CSMD1: variants seen among roughly 807,000 people sequenced by gnomAD.
CSMD1 encodes the protein CUB and Sushi multiple domains 1.
CSMD1 carries 213 observed loss-of-function variants against 417.5 expected under a neutral mutation model. The ratio of observed to expected loss-of-function variants is 0.51; its 90% confidence interval spans 0.46 to 0.57. The LOEUF is 0.57. Among genes scored for constraint, CSMD1 ranks in the 20% least tolerant of loss-of-function variants. The pLI, the probability that CSMD1 is intolerant of heterozygous loss-of-function variation, is 0.00. For synonymous variants in CSMD1, 2,862 were observed against 1,736.8 expected (o/e 1.65, Z -16.11); for missense variants, 6,923 against 4,529.7 (o/e 1.53, Z -15.17).
At chr8:3,890,441 G>A (rs909362950) in intron 5 of CSMD1, among the ~76,000 whole-genome samples, 1 of 151,858 alleles carries the variant, frequency 6.6e-6, no homozygotes, top group Non-Finnish European at 1.5e-5. Flanking sequence ...GCAGTGTCTT[G>A]GAGGAGACTG....
intron 1 of CSMD1, among the ~76,000 whole-genome samples, chr8:4,804,319 T>G (rs1056698070): frequency 1.3e-5 from 2 of 152,140 alleles, no homozygotes; most frequent in Admixed American, 1.3e-4. Context: ...ATTGAAAAAC[T>G]CATGCTATGG....
At chr8:4,478,924 T>C (rs1281925241) in intron 2 of CSMD1, among the ~76,000 whole-genome samples, 1 of 152,190 alleles carries the variant, frequency 6.6e-6, no homozygotes, top group African/African-American at 2.4e-5. Flanking sequence ...GCAATTGTAC[T>C]TGACTGACCT....
At chr8:3,325,363 TG>T (rs1806457440) in intron 23 of CSMD1, among the ~76,000 whole-genome samples, 1 of 152,252 alleles carries the variant, frequency 6.6e-6, no homozygotes, top group African/African-American at 2.4e-5. Flanking sequence ...TAGCATTTGA[TG>T]ATACCATCTG....
intron 2 of CSMD1, among the ~76,000 whole-genome samples, chr8:4,612,092 G>C (rs1209340644): frequency 1.3e-5 from 2 of 152,146 alleles, no homozygotes; most frequent in Admixed American, 1.3e-4. Context: ...GCTGGGAAGA[G>C]GAGGCACAGA....
chr8:3,553,742 T>G (rs1799019574), intron 10 of CSMD1, among the ~76,000 whole-genome samples: 1 of 152,230 alleles, frequency 6.6e-6, no homozygotes, highest in South Asian at 2.1e-4. Context: ...GAAGTAGACA[T>G]ATAAATTAAT....
chr8:3,067,588 T>C (rs1295800671), intron 49 of CSMD1, among the ~76,000 whole-genome samples: 1 of 150,466 alleles, frequency 6.6e-6, no homozygotes, highest in Non-Finnish European at 1.5e-5. Context: ...CTTCTCACCA[T>C]ATTAATGTAT....
chr8:3,719,907 G>C (rs750105228), intron 6 of CSMD1, among the ~76,000 whole-genome samples: 1 of 152,112 alleles, frequency 6.6e-6, no homozygotes, highest in Non-Finnish European at 1.5e-5. Flanking sequence ...CACCTTGCCA[G>C]GTTAAAAATG....
chr8:4,556,206 G>A (rs571529637), intron 2 of CSMD1, among the ~76,000 whole-genome samples: 1 of 152,094 alleles, frequency 6.6e-6, no homozygotes, highest in Non-Finnish European at 1.5e-5. Flanking sequence ...TTATTATGGG[G>A]ATACTTTATA....
At chr8:4,006,644 A>T (rs559067229) in intron 4 of CSMD1, among the ~76,000 whole-genome samples, 51 of 152,258 alleles carry the variant, frequency 3.3e-4, no homozygotes, top group Middle Eastern at 3.4e-3. Context: ...CAAGAGAGGG[A>T]ACAGCACTTG....
chr8:4,228,318 T>G (rs960979163), intron 3 of CSMD1, among the ~76,000 whole-genome samples: 1 of 152,176 alleles, frequency 6.6e-6, no homozygotes, highest in Non-Finnish European at 1.5e-5. Context: ...AAATAGGTGT[T>G]TTATTCTCTG....
intron 2 of CSMD1, among the ~76,000 whole-genome samples, chr8:4,615,290 C>T (rs1284082320): frequency 6.6e-6 from 1 of 152,198 alleles, no homozygotes; most frequent in African/African-American, 2.4e-5. Flanking sequence ...ATAATCTCTT[C>T]ACATTGGGTT....
intron 18 of CSMD1, among the ~76,000 whole-genome samples, chr8:3,371,079 G>C (rs894962686): frequency 6.6e-6 from 1 of 152,134 alleles, no homozygotes; most frequent in African/African-American, 2.4e-5. Context: ...TGAACCATCA[G>C]ACCCAGAACA....
At chr8:2,977,778 C>A (rs1805060232) in intron 55 of CSMD1, among the ~76,000 whole-genome samples, 1 of 152,112 alleles carries the variant, frequency 6.6e-6, no homozygotes, top group African/African-American at 2.4e-5. Flanking sequence ...CATGAACAGA[C>A]ACTTCTCAAA....
Position 3,976,357 on chromosome 8 carries a change from A to G in CSMD1, c.818+21546T>C, listed in dbSNP as rs548922012. Among the ~76,000 whole-genome samples, 3 of 152,318 alleles carry G rather than the reference A, an allele frequency of 2.0e-5. No individual in the cohort carries two copies. The East Asian group carries it at 5.8e-4, about 29-fold the overall frequency. ...TTACTAAAACTGAAAGGTAACTATCATGACGTTGATGAAGATTCCTGAACT... is the reference window on the plus strand; with the variant it reads ...TTACTAAAACTGAAAGGTAACTATCGTGACGTTGATGAAGATTCCTGAACT... On this transcript the variant is annotated intron_variant, in intron 5 of 69. Transcript: ENST00000635120.
At chr8:3,778,008 G>C (rs560590868) in intron 5 of CSMD1, among the ~76,000 whole-genome samples, 1 of 152,376 alleles carries the variant, frequency 6.6e-6, no homozygotes, top group East Asian at 1.9e-4. Context: ...CAGACCTGCA[G>C]CCTAAGAAAC....
intron 11 of CSMD1, among the ~76,000 whole-genome samples, chr8:3,476,438 T>C (rs1817428203): frequency 6.6e-6 from 1 of 152,196 alleles, no homozygotes; most frequent in Non-Finnish European, 1.5e-5. Context: ...AAAATTTTTC[T>C]AGGGTAAATA....
chr8:4,298,982 G>C (rs935260013), intron 3 of CSMD1, among the ~76,000 whole-genome samples: 1 of 152,018 alleles, frequency 6.6e-6, no homozygotes, highest in South Asian at 2.1e-4. Flanking sequence ...TGAAAGTGTT[G>C]CTTTGCAGAT....
chr8:4,095,050 T>C (rs1217006903), intron 3 of CSMD1, among the ~76,000 whole-genome samples: 1 of 152,124 alleles, frequency 6.6e-6, no homozygotes, highest in African/African-American at 2.4e-5. Context: ...ATGTAAGTAG[T>C]TGAGCTTTGG....
intron 7 of CSMD1, among the ~76,000 whole-genome samples, chr8:3,705,846 T>A (rs1194724277): frequency 6.6e-6 from 1 of 152,096 alleles, no homozygotes; most frequent in Non-Finnish European, 1.5e-5. Context: ...ATGGAATGGC[T>A]TGAAAAGGAA....
Sources: gnomAD v4.1 joint callset for allele counts (sites outside exome capture counted in the v4.1 genomes callset) on GRCh38, gnomAD v4.1.1 for gene constraint, MANE v1.5 for transcripts, NCBI Gene and HGNC (gene_info 2026-07-23, HGNC 2026-07-21) for gene names.